Variants in A4GALT observed in about 807,000 individuals in gnomAD.
A4GALT encodes lactosylceramide 4-alpha-galactosyltransferase.
For missense variants in A4GALT, 512 were observed against 486.0 expected, an observed-to-expected ratio of 1.05 and a Z score of -0.50; for synonymous variants, 257 against 220.7, an observed-to-expected ratio of 1.16 and a Z score of -1.46.
chr22:42,710,307 T>A (rs1450226849), intron 1 of A4GALT, among the ~76,000 whole-genome samples: 2 of 152,086 alleles, frequency 1.3e-5, no homozygotes, highest in African/African-American at 4.8e-5. Flanking sequence ...CACTTAAATA[T>A]AAATAACAAG....
intron 1 of A4GALT, among the ~76,000 whole-genome samples, chr22:42,711,683 C>G (rs5758888): frequency 0.28 from 41,766 of 151,864 alleles, 6,120 homozygotes; most frequent in East Asian, 0.61. Context: ...GCCCAGGCTG[C>G]AGTGCAGTGG....
intron 2 of A4GALT, chr22:42,694,817 A>ACATT (rs1322868162): frequency 1.3e-5 from 2 of 152,160 alleles, no homozygotes; most frequent in Non-Finnish European, 2.9e-5. Context: ...CTAAAGGGTA[A>ACATT]CATTCATTCA....
chr22:42,720,578 C>T (rs9620089), intron 1 of A4GALT, among the ~76,000 whole-genome samples: 31,501 of 152,044 alleles, frequency 0.21, 4,044 homozygotes, highest in East Asian at 0.67. Flanking sequence ...CGCCGCGCTC[C>T]ACTTCGGGGC....
Position 42,692,773 on chromosome 22 carries a change from GCCTAAGCCCGGTGGCAGCTCGGGCCTC to G in A4GALT, c.*90_*116del. ...TGCTCCCACAGCTCCTCAACAGCCT[GCCTAAGCCCGGTGGCAGCTCGGGCCTC>G]CCTCTCCCGGGCCCTCAATCTTGCC... On this transcript the variant is annotated 3_prime_UTR_variant, in exon 3 of 3. Transcript: ENST00000642412. This position sits in a 1 kb window ranked among gnomAD's most constrained non-coding sequence, Gnocchi z 4.6. 1 of 1,244,678 alleles carries G rather than the reference GCCTAAGCCCGGTGGCAGCTCGGGCCTC, an allele frequency of 8.0e-7. No homozygotes were observed. The highest frequency in any genetic ancestry group is 1.5e-5 in the African/African-American group (1 of 67,680). The allele number at this position is 1,244,678 out of a possible 1,614,324, so 77.1% of individuals were successfully genotyped here.
chr22:42,699,273 T>C (rs765859752), intron 1 of A4GALT, among the ~76,000 whole-genome samples: 2 of 152,134 alleles, frequency 1.3e-5, no homozygotes, highest in South Asian at 2.1e-4. Flanking sequence ...TTAGTAGAGA[T>C]TTGGTTTCAC....
intron 1 of A4GALT, among the ~76,000 whole-genome samples, chr22:42,698,291 G>C (rs1601992190): frequency 6.6e-6 from 1 of 151,200 alleles, no homozygotes; most frequent in East Asian, 1.9e-4. Flanking sequence ...AATGGAGACA[G>C]AAGGCCAAAG....
intron 1 of A4GALT, among the ~76,000 whole-genome samples, chr22:42,717,573 AC>A (rs1922305255): frequency 1.3e-5 from 2 of 152,078 alleles, no homozygotes; most frequent in Non-Finnish European, 2.9e-5. Context: ...GTCCTCGGAG[AC>A]CTCAGCCTAT....
chr22:42,715,985 A>G (rs1310170826), intron 1 of A4GALT, among the ~76,000 whole-genome samples: 1 of 152,144 alleles, frequency 6.6e-6, no homozygotes, highest in Non-Finnish European at 1.5e-5. Context: ...GGAATGCACC[A>G]GCACACCCAG....
At chr22:42,713,843 G>A (rs1921916620) in intron 1 of A4GALT, among the ~76,000 whole-genome samples, 1 of 144,980 alleles carries the variant, frequency 6.9e-6, no homozygotes, top group Non-Finnish European at 1.5e-5. Context: ...CAGACAGACA[G>A]ACAGACAGAC....
rs28915384 is a variant in A4GALT, at chr22:42,693,283, G to A, written c.669C>T (p.Phe223=). 5,577 of 1,612,984 alleles carry A rather than the reference G, an allele frequency of 3.5e-3. 181 individuals carry two copies. The African/African-American group carries it at 0.067, about 19-fold the overall frequency. The change falls in exon 3 of 3, where the codon TTC becomes TTT. Residue 223 remains phenylalanine, a synonymous_variant. Coordinates refer to ENST00000642412, the MANE Select transcript of A4GALT (RefSeq NM_017436.7). Reference sequence around the variant, plus strand: ...GCGCCATGAACTCGTGCCGGCGCTCGAAGGCCAGGAACGCGCCGTTGAGGA... The same window carrying A: ...GCGCCATGAACTCGTGCCGGCGCTCAAAGGCCAGGAACGCGCCGTTGAGGA... The part of the protein sequence containing the change: ...RYVLNGAFLA[F]ERRHEFMALC...
chr22:42,692,416 G>T lies in A4GALT; in HGVS notation c.*474C>A, dbSNP rs1051641672. The T allele has an allele frequency of 9.6e-6, 3 of 311,424 alleles. No homozygotes were observed. Among genetic ancestry groups the T allele is most frequent in the Non-Finnish European group, 1.9e-5 (3 of 157,970 alleles). The allele number at this position is 311,424 out of a possible 1,614,324, so 19.3% of individuals were successfully genotyped here. A position where few individuals can be genotyped will look rare whatever the true frequency, so the allele number is the denominator to read the frequency against. On this transcript the variant is annotated 3_prime_UTR_variant, in exon 3 of 3. Transcript: ENST00000642412. This position sits in a 1 kb window ranked among gnomAD's most constrained non-coding sequence, Gnocchi z 4.6. ...CCCCGCGAAAGAGGAACCAAAACCA[G>T]AAAAGAACAAAGCATCCTCCGCCCC... is the stretch of plus-strand genomic sequence containing the variant.
chr22:42,719,531 C>G (rs6002927), intron 1 of A4GALT, among the ~76,000 whole-genome samples: 263 of 152,166 alleles, frequency 1.7e-3, no homozygotes, highest in African/African-American at 5.8e-3. Context: ...TTTTGTTTTC[C>G]TTTGTATTCC....
At position 42,720,796 on chromosome 22, in the gene A4GALT, CCT is replaced by C. The variant is rs1230997681; in HGVS notation, c.-189_-188del. 6.6e-6 allele frequency: 1 copy of C among 152,234 alleles called. No homozygotes were observed. Among genetic ancestry groups the C allele is most frequent in the Non-Finnish European group, 1.5e-5 (1 of 67,946 alleles). The allele number at this position is 152,234 out of a possible 1,614,324, so 9.4% of individuals were successfully genotyped here. On this transcript the variant is annotated splice_region_variant and 5_prime_UTR_variant, in exon 1 of 3. Transcript: ENST00000642412. Reference sequence around the variant, plus strand: ...CGCAACATCGGCGCGGCCCCTCGTACCTCTAGCTCCAGCGGCGGCGGGCGGCG... The same window carrying C: ...CGCAACATCGGCGCGGCCCCTCGTACCTAGCTCCAGCGGCGGCGGGCGGCG...
chr22:42,701,380 G>T (rs1210693803), intron 1 of A4GALT, among the ~76,000 whole-genome samples: 1 of 152,178 alleles, frequency 6.6e-6, no homozygotes, highest in African/African-American at 2.4e-5. Flanking sequence ...GGAGCCCGAG[G>T]TGGACCCCTG....
At chr22:42,698,667 G>C (rs953100146) in intron 1 of A4GALT, among the ~76,000 whole-genome samples, 8 of 152,214 alleles carry the variant, frequency 5.3e-5, no homozygotes, top group South Asian at 2.1e-4. Flanking sequence ...TGTCAGAGGC[G>C]TGTGAGCCAG....
At chr22:42,699,887 G>C (rs1931184311) in intron 1 of A4GALT, among the ~76,000 whole-genome samples, 2 of 152,136 alleles carry the variant, frequency 1.3e-5, no homozygotes, top group African/African-American at 4.8e-5. Context: ...AGTGTGGGTG[G>C]GCCCCCAACC....
chr22:42,710,073 C>T (rs1352959406), intron 1 of A4GALT, among the ~76,000 whole-genome samples: 3 of 152,140 alleles, frequency 2.0e-5, no homozygotes, highest in Admixed American at 2.0e-4. Flanking sequence ...TACGAATACA[C>T]AGTTTCATAC....
rs1218484891 is a variant in A4GALT at position 42,706,068 on chromosome 22, A to G, written c.-187-10437T>C. Among the ~76,000 whole-genome samples, 19 of 112,854 alleles carry G rather than the reference A, an allele frequency of 1.7e-4. 6 individuals are homozygous for G. Among genetic ancestry groups the G allele is most frequent in the Admixed American group, 1.9e-4 (2 of 10,726 alleles). The allele number at this position is 112,854 out of a possible 152,430, so 74.0% of individuals were successfully genotyped here. ...ACATCTCAAAAAAAAAAAAAAAAAA[A>G]AAGTTGGCCGGGTGCGGTGGCTCAC... On this transcript the variant is annotated intron_variant, in intron 1 of 2. Transcript: ENST00000642412.
At position 42,703,171 on chromosome 22, in the gene A4GALT, G is replaced by A. The variant is rs555242215; in HGVS notation, c.-187-7540C>T. Among the ~76,000 whole-genome samples the A allele has an allele frequency of 4.9e-4, 72 of 146,414 alleles. No individual in the cohort carries two copies. In the South Asian group the frequency reaches 0.015, roughly 30 times the overall value. ...TCCCCACCAGGCTGTGAATGCCTTG[G>A]GGGCAGAGACTAGGCCCAGCCTAGG... is the stretch of plus-strand genomic sequence containing the variant. On this transcript the variant is annotated intron_variant, in intron 1 of 2. Coordinates refer to ENST00000642412, the MANE Select transcript of A4GALT (RefSeq NM_017436.7).
Sources: allele counts gnomAD v4.1 joint callset (sites outside exome capture counted in the v4.1 genomes callset), GRCh38; gene constraint gnomAD v4.1.1; non-coding constraint Gnocchi (gnomAD v3.1); transcripts MANE v1.5; gene names NCBI Gene and HGNC (gene_info 2026-07-23, HGNC 2026-07-21).